MPHOSPH8: variants seen among roughly 807,000 people sequenced by gnomAD.
MPHOSPH8 encodes M-phase phosphoprotein, mpp.
Under a neutral mutation model 87.3 loss-of-function variants are expected in MPHOSPH8, and 45 were observed. That is an observed-to-expected ratio of 0.52 (90% CI 0.41 to 0.66). MPHOSPH8 has a LOEUF of 0.66. MPHOSPH8 is among the 30% of genes least tolerant of loss of function. MPHOSPH8 has a pLI of 0.00. For synonymous variants in MPHOSPH8, 366 were observed against 376.9 expected, an observed-to-expected ratio of 0.97 and a Z score of 0.33; for missense variants, 883 against 1,020.2, an observed-to-expected ratio of 0.87 and a Z score of 1.83.
At chr13:19,670,167 G>A in intron 11 of MPHOSPH8, 69 bp from the exon 12 acceptor site, 1 of 1,582,242 alleles carries the variant, frequency 6.3e-7, no homozygotes. Flanking sequence ...GCTTCCATCT[G>A]GTGTTGAGTG....
rs1476679890 is a variant in MPHOSPH8 at position 19,642,208 on chromosome 13, C to T, written c.307C>T (p.Leu103Phe). The part of the protein sequence containing the change: ...EIHLEDCKEV[L>F]LEFRKKIAEN... ...TCACCTGGAGGACTGTAAAGAAGTG[C>T]TTCTTGAATTTAGGAAGAAAATTGC... The change falls in exon 2 of 14, where the codon CTT becomes TTT. Residue 103 changes from leucine (L) to phenylalanine (F), a missense_variant. This residue lies in a region of MPHOSPH8 where 39 missense variants were observed against 82.4 expected (regional missense o/e 0.47). Transcript: ENST00000361479. 6.2e-7 allele frequency: 1 copy of T among 1,612,144 alleles called. No individual in the cohort carries two copies. Among genetic ancestry groups the T allele is most frequent in the Non-Finnish European group, 8.5e-7 (1 of 1,179,324 alleles).
At chr13:19,670,002 C>G (rs1876034092) in intron 11 of MPHOSPH8, among the ~76,000 whole-genome samples, 1 of 152,178 alleles carries the variant, frequency 6.6e-6, no homozygotes. Context: ...TAAGTCTTTT[C>G]CAGGAACTGT....
chr13:19,667,645 T>C (rs543039742), intron 10 of MPHOSPH8, among the ~76,000 whole-genome samples: 11 of 152,256 alleles, frequency 7.2e-5, no homozygotes, highest in East Asian at 1.9e-4. Flanking sequence ...CATTTAGCAA[T>C]AGGCATTCAA....
At chr13:19,634,763 G>T (rs1820806995) in intron 1 of MPHOSPH8, among the ~76,000 whole-genome samples, 1 of 152,122 alleles carries the variant, frequency 6.6e-6, no homozygotes, top group African/African-American at 2.4e-5. Flanking sequence ...GCTATATGTG[G>T]TCTCCTTTAA....
intron 7 of MPHOSPH8, 24 bp downstream of exon 7, chr13:19,659,313 A>C: frequency 1.3e-6 from 2 of 1,512,088 alleles, no homozygotes; most frequent in Non-Finnish European, 9.0e-7. Flanking sequence ...GAAAAATCTC[A>C]TGAAAGGAAA....
At chr13:19,655,734 AC>A (rs1875123171) in intron 5 of MPHOSPH8, among the ~76,000 whole-genome samples, 3 of 152,224 alleles carry the variant, frequency 2.0e-5, no homozygotes, top group South Asian at 4.1e-4. Context: ...TTCTGTCAAC[AC>A]TTTTATTCAA....
At chr13:19,645,865 C>T (rs1023545486) in intron 2 of MPHOSPH8, among the ~76,000 whole-genome samples, 5 of 151,788 alleles carry the variant, frequency 3.3e-5, no homozygotes, top group Admixed American at 6.6e-5. Flanking sequence ...TGTGTTTATA[C>T]GAGTACTTTA....
intron 1 of MPHOSPH8, among the ~76,000 whole-genome samples, chr13:19,640,519 GT>G (rs889614065): frequency 3.4e-4 from 52 of 151,366 alleles, no homozygotes; most frequent in African/African-American, 1.2e-3. Flanking sequence ...TTGGCAGTGT[GT>G]TTTAATCTTT....
At chr13:19,655,956 T>C (rs1875139883) in intron 5 of MPHOSPH8, among the ~76,000 whole-genome samples, 1 of 151,804 alleles carries the variant, frequency 6.6e-6, no homozygotes, top group Non-Finnish European at 1.5e-5. Flanking sequence ...CTACAAAAAA[T>C]ACAAAATTAG....
intron 2 of MPHOSPH8, among the ~76,000 whole-genome samples, chr13:19,645,880 TAA>T (rs888284672): frequency 1.1e-4 from 17 of 152,292 alleles, no homozygotes; most frequent in African/African-American, 3.6e-4. Flanking sequence ...ACTTTATTCT[TAA>T]GTTTCTTTTT....
chr13:19,639,244 T>C (rs1344780672), intron 1 of MPHOSPH8, among the ~76,000 whole-genome samples: 1 of 151,952 alleles, frequency 6.6e-6, no homozygotes, highest in Non-Finnish European at 1.5e-5. Context: ...GCCTAGTTGC[T>C]TGCGACTCCT....
At chr13:19,653,779 G>A (rs1346157412) in intron 5 of MPHOSPH8, among the ~76,000 whole-genome samples, 1 of 152,112 alleles carries the variant, frequency 6.6e-6, no homozygotes, top group African/African-American at 2.4e-5. Flanking sequence ...TATCAATAAC[G>A]AAATCGGTAA....
intron 1 of MPHOSPH8, among the ~76,000 whole-genome samples, chr13:19,639,646 T>C (rs900627306): frequency 3.9e-5 from 6 of 151,944 alleles, no homozygotes; most frequent in Non-Finnish European, 7.4e-5. Flanking sequence ...CATAATTAGA[T>C]AAGCATGCAT....
chr13:19,669,255 C>T lies in MPHOSPH8; in HGVS notation c.2329+724C>T, dbSNP rs1875987591. Among the ~76,000 whole-genome samples, 2 of 152,190 alleles carry T rather than the reference C, an allele frequency of 1.3e-5. 1 individual carries two copies. The highest frequency in any genetic ancestry group is 4.1e-4 in the South Asian group (2 of 4,834). ...TGCAGTGCATGGCATGATCTTGGCT[C>T]ACTGCAACCTCTGCCTTCTGGCTTC... On this transcript the variant is annotated intron_variant, in intron 11 of 13. Transcript: ENST00000361479.
At chr13:19,648,325 T>C in intron 3 of MPHOSPH8, 97 bp from the exon 4 acceptor site, 2 of 693,200 alleles carry the variant, frequency 2.9e-6, no homozygotes. Flanking sequence ...ACAAGGGTGA[T>C]TCCCTGAAGC....
In MPHOSPH8 at chr13:19,633,782, G is replaced by T; in HGVS notation, c.34G>T (p.Ala12Ser). ...EQVAEGARVT[A>S]VPVSAADSTE... Reference sequence around the variant, plus strand: ...GGTTGCGGAGGGAGCAAGGGTGACCGCAGTCCCTGTGTCAGCTGCCGACAG... The same window carrying T: ...GGTTGCGGAGGGAGCAAGGGTGACCTCAGTCCCTGTGTCAGCTGCCGACAG... Residue 12 changes from alanine to serine, a missense_variant, in exon 1 of 14, where the codon GCA (alanine) becomes TCA (serine). Around this residue, in one of 3 missense-constraint regions of MPHOSPH8, gnomAD observed 103 missense variants for 96.3 expected, o/e 1.07. Coordinates refer to ENST00000361479, the MANE Select transcript of MPHOSPH8 (RefSeq NM_017520.4). The T allele has an allele frequency of 1.2e-6, 2 of 1,605,458 alleles. No homozygotes were observed. The highest frequency in any genetic ancestry group is 8.5e-7 in the Non-Finnish European group (1 of 1,176,616).
intron 8 of MPHOSPH8, 32 bp from the exon 9 acceptor site, chr13:19,663,008 G>A (rs1565942383): frequency 2.6e-6 from 4 of 1,520,616 alleles, no homozygotes; most frequent in Non-Finnish European, 9.1e-7. Context: ...AATAATTTGG[G>A]AAATTAAATT....
At chr13:19,657,604 A>C (rs931862521) in intron 5 of MPHOSPH8, among the ~76,000 whole-genome samples, 1 of 152,020 alleles carries the variant, frequency 6.6e-6, no homozygotes, top group Non-Finnish European at 1.5e-5. Flanking sequence ...TATCAGGTCC[A>C]GAGGCAAGAC....
chr13:19,655,989 A>G (rs913367639), intron 5 of MPHOSPH8, among the ~76,000 whole-genome samples: 2 of 152,132 alleles, frequency 1.3e-5, no homozygotes, highest in African/African-American at 2.4e-5. Flanking sequence ...AATCCCAGCT[A>G]TTTGGGAGGC....
Sources: gnomAD v4.1 joint callset for allele counts (sites outside exome capture counted in the v4.1 genomes callset) on GRCh38, gnomAD v4.1.1 for gene constraint, gnomAD v4.1.1 regional missense constraint, MANE v1.5 for transcripts, NCBI Gene and HGNC (gene_info 2026-07-23, HGNC 2026-07-21) for gene names.